The following IFT74 variants were observed in gnomAD, a reference collection of about 807,000 sequenced individuals.
IFT74 encodes intraflagellar transport protein 74 homolog.
A neutral mutation model predicts 96.7 loss-of-function variants in IFT74; 92 were observed. That is an observed-to-expected ratio of 0.95 (90% CI 0.80 to 1.13). The LOEUF (loss-of-function observed/expected upper bound fraction) is 1.13, where lower values mean the gene tolerates loss of function less well. IFT74 is among the 50% of genes most tolerant of loss of function. The pLI, the probability that IFT74 is intolerant of heterozygous loss-of-function variation, is 0.00. For missense variants in IFT74, 811 were observed against 698.2 expected (o/e 1.16, Z -1.82); for synonymous variants, 223 against 213.2 (o/e 1.05, Z -0.40).
chr9:27,051,189 C>T (rs1819905091), intron 16 of IFT74, among the ~76,000 whole-genome samples: 1 of 151,898 alleles, frequency 6.6e-6, no homozygotes, highest in South Asian at 2.1e-4. Context: ...ATAGAACTGC[C>T]CAAGGGTTTT....
At chr9:26,975,486 CT>C (rs1827076800) in intron 2 of IFT74, among the ~76,000 whole-genome samples, 2 of 152,154 alleles carry the variant, frequency 1.3e-5, no homozygotes, top group African/African-American at 4.8e-5. Flanking sequence ...ATCATTTGCT[CT>C]TTTCTTTTAT....
chr9:27,004,198 A>C (rs77786116), intron 8 of IFT74, among the ~76,000 whole-genome samples: 3,169 of 152,306 alleles, frequency 0.021, 60 homozygotes, highest in Non-Finnish European at 0.032. Flanking sequence ...GTATGGTTTT[A>C]TATTTATTAT....
chr9:27,007,116 C>A (rs966438281), intron 8 of IFT74, among the ~76,000 whole-genome samples: 1 of 152,080 alleles, frequency 6.6e-6, no homozygotes, highest in Admixed American at 6.5e-5. Flanking sequence ...GGATTACAGG[C>A]ATGAGCCACC....
intron 8 of IFT74, among the ~76,000 whole-genome samples, chr9:27,001,569 G>A (rs1828493104): frequency 6.6e-6 from 1 of 151,936 alleles, no homozygotes; most frequent in Non-Finnish European, 1.5e-5. Flanking sequence ...CTGATGTTGA[G>A]CATTTTTTCC....
chr9:27,061,041 G>C (rs1211709511), intron 19 of IFT74: 1 of 172,046 alleles, frequency 5.8e-6, no homozygotes, highest in Non-Finnish European at 1.1e-5. Context: ...TTTTTTTAAA[G>C]ACTCAAATTT....
chr9:27,022,429 A>G (rs759941811), intron 12 of IFT74, among the ~76,000 whole-genome samples: 22 of 151,696 alleles, frequency 1.5e-4, no homozygotes, highest in Non-Finnish European at 3.2e-4. Context: ...CAGTATGGTC[A>G]TTTTCACAAT....
chr9:27,024,485 A>T (rs1400882251), intron 12 of IFT74, among the ~76,000 whole-genome samples: 1 of 152,186 alleles, frequency 6.6e-6, no homozygotes, highest in Admixed American at 6.5e-5. Context: ...ACATCAAGGG[A>T]TCACCTCATG....
At chr9:27,031,756 T>TAA (rs1321918136) in intron 13 of IFT74, among the ~76,000 whole-genome samples, 1 of 145,320 alleles carries the variant, frequency 6.9e-6, no homozygotes, top group Non-Finnish European at 1.5e-5. Context: ...TAAAATAAAA[T>TAA]AAAATAAAAT....
Position 27,009,158 on chromosome 9 carries a change from G to A in IFT74, c.726G>A (p.Gln242=). The A allele has an allele frequency of 6.2e-7, 1 of 1,610,546 alleles. No homozygotes were observed. Among genetic ancestry groups the A allele is most frequent in the Non-Finnish European group, 8.5e-7 (1 of 1,178,436 alleles). Residue 242 remains glutamine (Q), a splice_region_variant and synonymous_variant, in exon 9 of 20, where the codon CAG becomes CAA. Coordinates refer to ENST00000380062, the MANE Select transcript of IFT74 (RefSeq NM_025103.4). ...EMKTTNEKLL[Q]ELDTLQQQLD... is the part of the protein sequence containing the mutation. ...AAACCACAAATGAGAAACTGTTACA[G>A]GTAATACAAATTACTGCTGTGTGCC...
At chr9:27,003,460 T>C (rs1828610063) in intron 8 of IFT74, among the ~76,000 whole-genome samples, 1 of 152,056 alleles carries the variant, frequency 6.6e-6, no homozygotes, top group Non-Finnish European at 1.5e-5. Context: ...GAGGCAGAAG[T>C]TGCAGTGAGC....
chr9:26,952,195 A>G (rs570588400), upstream of IFT74, among the ~76,000 whole-genome samples: 4 of 152,048 alleles, frequency 2.6e-5, no homozygotes, highest in South Asian at 2.1e-4. Context: ...AGATAATTGC[A>G]TAATTCATTA....
At chr9:27,014,808 T>C (rs897752122) in intron 10 of IFT74, among the ~76,000 whole-genome samples, 1 of 152,122 alleles carries the variant, frequency 6.6e-6, no homozygotes, top group Non-Finnish European at 1.5e-5. Context: ...AGGGTTTCAC[T>C]GTGTTGGCCA....
Position 27,052,605 on chromosome 9 carries a change from C to G in IFT74, c.1334-3004C>G, listed in dbSNP as rs115520054. Among the ~76,000 whole-genome samples the G allele has an allele frequency of 5.7e-3, 853 of 150,662 alleles. 7 individuals are homozygous for G. The highest frequency in any genetic ancestry group is 0.02 in the African/African-American group (818 of 41,014). On this transcript the variant is annotated intron_variant, in intron 16 of 19. Coordinates refer to ENST00000380062, the MANE Select transcript of IFT74 (RefSeq NM_025103.4). ...AACTGGCTTCAATGGAGATAAAAAT[C>G]CAGTTTAATAGTATGATAAGGATTT...
chr9:27,045,054 G>A lies in IFT74; in HGVS notation c.1108+259G>A, dbSNP rs142448711. 2.5e-4 allele frequency among the ~76,000 whole-genome samples: 38 copies of A among 152,290 alleles called. 1 individual carries two copies. The highest frequency in any genetic ancestry group is 4.6e-4 in the Non-Finnish European group (31 of 68,018). On this transcript the variant is annotated intron_variant, in intron 14 of 19. Coordinates refer to ENST00000380062, the MANE Select transcript of IFT74 (RefSeq NM_025103.4). ...ACTTACATTCGTAGTCTGTACAGAG[G>A]AAACCTATAGACCAGGGGTCCCCAA...
At chr9:27,007,924 T>C (rs147933558) in intron 8 of IFT74, among the ~76,000 whole-genome samples, 302 of 152,214 alleles carry the variant, frequency 2.0e-3, no homozygotes, top group African/African-American at 6.9e-3. Flanking sequence ...TTTTTCAGAG[T>C]TTTTCTCTAC....
chr9:27,001,821 G>T (rs1178669366), intron 8 of IFT74, among the ~76,000 whole-genome samples: 2 of 151,792 alleles, frequency 1.3e-5, no homozygotes, highest in African/African-American at 4.8e-5. Flanking sequence ...TTTTTGCTTG[G>T]CGAAACCCCA....
intron 8 of IFT74, chr9:26,993,290 G>A (rs1401645736): frequency 6.6e-6 from 1 of 151,792 alleles, no homozygotes; most frequent in East Asian, 1.9e-4. Flanking sequence ...TTATAATTAG[G>A]AAATAATTTA....
rs563256566 is a variant in IFT74, at chr9:26,962,001, C to T, written c.34C>T (p.Pro12Ser). Reference sequence around the variant, plus strand: ...CAATCACAAATCTTCAGCAGCTCGCCCTGTTTCAAGAGGTGGAGTTGGGTT... The same window carrying T: ...CAATCACAAATCTTCAGCAGCTCGCTCTGTTTCAAGAGGTGGAGTTGGGTT... ...ASNHKSSAAR[P>S]VSRGGVGLTG... Residue 12 changes from proline (P) to serine (S), a missense_variant, in exon 2 of 20, where the codon CCT (proline) becomes TCT (serine). Coordinates refer to ENST00000380062, the MANE Select transcript of IFT74 (RefSeq NM_025103.4). The T allele has an allele frequency of 1.2e-6, 2 of 1,614,120 alleles. No individual in the cohort carries two copies. Among genetic ancestry groups the T allele is most frequent in the Admixed American group, 1.7e-5 (1 of 60,024 alleles).
intron 10 of IFT74, among the ~76,000 whole-genome samples, chr9:27,015,298 G>A (rs1052843335): frequency 4.6e-5 from 7 of 151,826 alleles, no homozygotes; most frequent in East Asian, 1.9e-4. Context: ...AAATTATCTC[G>A]TCTACTCGTT....
Sources: allele counts gnomAD v4.1 joint callset (sites outside exome capture counted in the v4.1 genomes callset), GRCh38; gene constraint gnomAD v4.1.1; transcripts MANE v1.5; gene names NCBI Gene and HGNC (gene_info 2026-07-23, HGNC 2026-07-21).